The following TMEM38B variants were observed in gnomAD, a reference collection of about 807,000 sequenced individuals.
TMEM38B encodes the protein transmembrane protein 38B, also known as trimeric intracellular cation channel type B.
In TMEM38B, 24 loss-of-function variants were observed where a neutral mutation model predicts 28.7. The ratio of observed to expected loss-of-function variants is 0.84; its 90% CI spans 0.61 to 1.18. The LOEUF (loss-of-function observed/expected upper bound fraction) is 1.18. Ranked by LOEUF, TMEM38B falls within the 50% of genes most tolerant of loss-of-function variation. TMEM38B has a pLI of 0.00. For synonymous variants in TMEM38B, 131 were observed against 127.7 expected, an observed-to-expected ratio of 1.03 and a Z score of -0.17; for missense variants, 380 against 350.9, an observed-to-expected ratio of 1.08 and a Z score of -0.66.
chr9:105,755,424 A>G (rs1837801094), intron 5 of TMEM38B, among the ~76,000 whole-genome samples: 1 of 152,172 alleles, frequency 6.6e-6, no homozygotes, highest in Non-Finnish European at 1.5e-5. Context: ...AAACCTGCAC[A>G]TCCTGTACAT....
chr9:105,722,838 TTC>T (rs1181195078), intron 4 of TMEM38B, among the ~76,000 whole-genome samples: 2 of 152,284 alleles, frequency 1.3e-5, no homozygotes, highest in African/African-American at 4.8e-5. Flanking sequence ...CTCTGTGGGT[TTC>T]TCTCCTTAGA....
intron 1 of TMEM38B, among the ~76,000 whole-genome samples, chr9:105,700,321 A>G (rs1403728980): frequency 6.6e-6 from 1 of 152,216 alleles, no homozygotes; most frequent in Admixed American, 6.5e-5. Context: ...CTACACAATA[A>G]TAGTAGCCAT....
intron 3 of TMEM38B, 81 bp downstream of exon 3, chr9:105,721,802 A>G (rs1836331303): frequency 1.2e-5 from 13 of 1,072,728 alleles, no homozygotes; most frequent in Non-Finnish European, 1.6e-5. Flanking sequence ...CTCTAGTTAC[A>G]TTAATGGATC....
chr9:105,763,811 A>G (rs918439610), intron 5 of TMEM38B, among the ~76,000 whole-genome samples: 1 of 151,782 alleles, frequency 6.6e-6, no homozygotes, highest in African/African-American at 2.4e-5. Context: ...TCCTTGATGA[A>G]CATTGATGCA....
In TMEM38B at chr9:105,703,999, G is replaced by A. The variant is rs532601337; in HGVS notation, c.113-1598G>A. 2.8e-3 allele frequency among the ~76,000 whole-genome samples: 412 copies of A among 149,320 alleles called. 2 individuals are homozygous for A. Among genetic ancestry groups the A allele is most frequent in the African/African-American group, 9.1e-3 (369 of 40,532 alleles). ...TCGCAAGAACAAAAAACCAAACACC[G>A]CATATTCTCACTCATAGGTGGGAAT... On this transcript the variant is annotated intron_variant, in intron 1 of 5. Coordinates refer to ENST00000374692, the MANE Select transcript of TMEM38B (RefSeq NM_018112.3).
intron 5 of TMEM38B, among the ~76,000 whole-genome samples, chr9:105,766,741 GTT>G (rs565022485): frequency 6.7e-6 from 1 of 148,660 alleles, no homozygotes; most frequent in Non-Finnish European, 1.5e-5. Flanking sequence ...TTTTTTTTCT[GTT>G]TTTTTTTATT....
chr9:105,767,885 T>C (rs1355432744), intron 5 of TMEM38B, among the ~76,000 whole-genome samples: 2 of 152,172 alleles, frequency 1.3e-5, no homozygotes, highest in Non-Finnish European at 2.9e-5. Context: ...ATGATAAAGA[T>C]AGTTTTACTT....
At chr9:105,773,135 C>G (rs1826612484) in intron 5 of TMEM38B, among the ~76,000 whole-genome samples, 1 of 152,096 alleles carries the variant, frequency 6.6e-6, no homozygotes, top group Non-Finnish European at 1.5e-5. Context: ...AGTTCTCCTC[C>G]CAGATTTATT....
At position 105,728,550 on chromosome 9, in the gene TMEM38B, C is replaced by T. The variant is rs140833966; in HGVS notation, c.542+5929C>T. 2.9e-3 allele frequency among the ~76,000 whole-genome samples: 445 copies of T among 152,232 alleles called. 1 individual carries two copies. The highest frequency in any genetic ancestry group is 0.01 in the South Asian group (50 of 4,820). ...TATGAATAGTGCCGCAGTAAACATA[C>T]GTGTGCATGTGTCTTTACAGCAGCA... On this transcript the variant is annotated intron_variant, in intron 4 of 5. Coordinates refer to ENST00000374692, the MANE Select transcript of TMEM38B (RefSeq NM_018112.3).
intron 4 of TMEM38B, among the ~76,000 whole-genome samples, chr9:105,746,929 C>G (rs1431535436): frequency 6.6e-6 from 1 of 152,180 alleles, no homozygotes; most frequent in African/African-American, 2.4e-5. Flanking sequence ...ACGAAGCCCA[C>G]TTGATCATGG....
rs1267231877 is a variant in TMEM38B at position 105,748,168 on chromosome 9, C to T, written c.638C>T (p.Thr213Ile). Reference sequence around the variant, plus strand: ...AAGCATAATCTTATGTTCCTTTATACCATCTTTATTGTGGCCACAAAGGTA... The same window carrying T: ...AAGCATAATCTTATGTTCCTTTATATCATCTTTATTGTGGCCACAAAGGTA... ...ISKHNLMFLY[T>I]IFIVATKITM... Residue 213 changes from threonine to isoleucine, a missense_variant, in exon 5 of 6, where the codon ACC (threonine) becomes ATC (isoleucine). Coordinates refer to ENST00000374692, the MANE Select transcript of TMEM38B (RefSeq NM_018112.3). 6.2e-7 allele frequency: 1 copy of T among 1,611,852 alleles called. No individual in the cohort carries two copies. The highest frequency in any genetic ancestry group is 1.1e-5 in the South Asian group (1 of 90,916).
At position 105,764,088 on chromosome 9, in the gene TMEM38B, A is replaced by G. The variant is rs1438851782; in HGVS notation, c.661-9777A>G. 4.8e-5 allele frequency among the ~76,000 whole-genome samples: 7 copies of G among 145,372 alleles called. No homozygotes were observed. The South Asian group carries it at 6.8e-4, about 14-fold the overall frequency. ...GTATTGATGGGACGTATTTCAAAAT[A>G]ATAAGAGCTATCTATGACAAACCCA... On this transcript the variant is annotated intron_variant, in intron 5 of 5. Transcript: ENST00000374692.
At chr9:105,759,929 T>A in intron 5 of TMEM38B, 1 of 1,593,500 alleles carries the variant, frequency 6.3e-7, no homozygotes, top group Admixed American at 1.7e-5. Flanking sequence ...AAACCAAATG[T>A]TGGACAAAGC....
intron 5 of TMEM38B, among the ~76,000 whole-genome samples, chr9:105,753,797 C>A (rs1395920103): frequency 6.6e-6 from 1 of 152,114 alleles, no homozygotes; most frequent in African/African-American, 2.4e-5. Flanking sequence ...ATGATAGGAT[C>A]AAATTTACAT....
intron 4 of TMEM38B, among the ~76,000 whole-genome samples, chr9:105,726,127 G>A (rs1449958453): frequency 1.3e-5 from 2 of 151,866 alleles, no homozygotes; most frequent in African/African-American, 2.4e-5. Flanking sequence ...TCATTTCTTT[G>A]TATTAGGAAC....
intron 4 of TMEM38B, among the ~76,000 whole-genome samples, chr9:105,729,494 T>C (rs748358976): frequency 1.1e-4 from 16 of 152,248 alleles, no homozygotes; most frequent in Non-Finnish European, 2.1e-4. Context: ...CCTTGTAGTA[T>C]AGTTTGAAGT....
chr9:105,748,932 T>A (rs189827701), intron 5 of TMEM38B: 1 of 443,578 alleles, frequency 2.3e-6, no homozygotes, highest in Non-Finnish European at 3.7e-6. Context: ...GTCTAGAAAA[T>A]TTTATGGCCA....
chr9:105,700,554 A>T (rs1174903901), intron 1 of TMEM38B, among the ~76,000 whole-genome samples: 1 of 152,190 alleles, frequency 6.6e-6, no homozygotes, highest in Admixed American at 6.5e-5. Flanking sequence ...TTATCTTTGC[A>T]TGACCATTTA....
At position 105,774,215 on chromosome 9, in the gene TMEM38B, CTTTG is replaced by C. The variant is rs1311131374; in HGVS notation, c.*140_*143del. The C allele has an allele frequency of 9.5e-6, 7 of 736,316 alleles. No homozygotes were observed. The highest frequency in any genetic ancestry group is 2.9e-5 in the Admixed American group (1 of 34,084). 45.6% of individuals were successfully genotyped at this position (736,316 alleles called of 1,614,324 possible). A position where few individuals can be genotyped will look rare whatever the true frequency, so the allele number is the denominator to read the frequency against. On this transcript the variant is annotated 3_prime_UTR_variant, in exon 6 of 6. Transcript: ENST00000374692. Reference sequence around the variant, plus strand: ...TGGAGGTGACAGAAAGAAAGAAATTCTTTGTTTGAGGGAGACTTCCCCTTTCTGG... The same window carrying C: ...TGGAGGTGACAGAAAGAAAGAAATTCTTTGAGGGAGACTTCCCCTTTCTGG...
Sources: gnomAD v4.1 joint callset for allele counts (sites outside exome capture counted in the v4.1 genomes callset) on GRCh38, gnomAD v4.1.1 for gene constraint, MANE v1.5 for transcripts, NCBI Gene and HGNC (gene_info 2026-07-23, HGNC 2026-07-21) for gene names.